DNAH6: variants seen among roughly 807,000 people sequenced by gnomAD.
DNAH6 encodes axonemal beta dynein heavy chain 6.
A neutral mutation model predicts 491.4 loss-of-function variants in DNAH6; 340 were observed. That is an observed-to-expected ratio of 0.69 (90% CI 0.63 to 0.76). DNAH6 has a LOEUF of 0.76. Ranked by LOEUF, DNAH6 falls within the 30% of genes least tolerant of loss-of-function variation. DNAH6 has a pLI of 0.00. For synonymous variants in DNAH6, 1,603 were observed against 1,686.1 expected (o/e 0.95, Z 1.21); for missense variants, 4,443 against 4,972.2 (o/e 0.89, Z 3.20).
At chr2:84,694,561 G>A (rs1433813644) in intron 46 of DNAH6, 81 bp downstream of exon 46, 3 of 1,027,384 alleles carry the variant, frequency 2.9e-6, no homozygotes, top group Admixed American at 2.1e-5. Flanking sequence ...ACAGTTTGTA[G>A]GATGAAGTTC....
the DNAH6 span, among the ~76,000 whole-genome samples, chr2:84,505,504 G>A: frequency 6.6e-6 from 1 of 152,004 alleles, no homozygotes; most frequent in Non-Finnish European, 1.5e-5. Flanking sequence ...CCCTTCATCA[G>A]GTTGAAGACG....
At chr2:84,790,987 C>G (rs1043611579) in intron 68 of DNAH6, among the ~76,000 whole-genome samples, 1 of 151,936 alleles carries the variant, frequency 6.6e-6, no homozygotes, top group Non-Finnish European at 1.5e-5. Context: ...GTCAGGAGTT[C>G]GAGACCAGCC....
chr2:84,460,200 T>C, the DNAH6 span, among the ~76,000 whole-genome samples: 1 of 152,232 alleles, frequency 6.6e-6, no homozygotes, highest in Admixed American at 6.5e-5. Flanking sequence ...GTCATTATAA[T>C]TGGCACTGAG....
intron 4 of DNAH6, among the ~76,000 whole-genome samples, chr2:84,538,509 T>C (rs1191519013): frequency 6.6e-6 from 1 of 152,164 alleles, no homozygotes; most frequent in East Asian, 1.9e-4. Context: ...GAGCATCTTT[T>C]GGGTCCACAG....
chr2:84,784,346 T>C (rs1380775644), intron 65 of DNAH6, among the ~76,000 whole-genome samples: 1 of 152,190 alleles, frequency 6.6e-6, no homozygotes, highest in Non-Finnish European at 1.5e-5. Context: ...TTGTGTTAAA[T>C]TGAAGGGTCA....
intron 16 of DNAH6, among the ~76,000 whole-genome samples, chr2:84,590,211 C>T (rs1015746718): frequency 1.3e-5 from 2 of 151,930 alleles, no homozygotes; most frequent in Non-Finnish European, 2.9e-5. Flanking sequence ...AAAGCTACAA[C>T]TTGGCTGGGC....
chr2:84,479,481 A>G, the DNAH6 span, among the ~76,000 whole-genome samples: 1 of 152,224 alleles, frequency 6.6e-6, no homozygotes, highest in African/African-American at 2.4e-5. Flanking sequence ...TACCTAGTTT[A>G]ATAGATAGCC....
intron 10 of DNAH6, among the ~76,000 whole-genome samples, chr2:84,555,393 T>G (rs1679916805): frequency 6.6e-6 from 1 of 152,182 alleles, no homozygotes; most frequent in Admixed American, 6.5e-5. Context: ...CTCCTCTGGT[T>G]TCTATTTCTG....
intron 11 of DNAH6, among the ~76,000 whole-genome samples, chr2:84,569,238 A>C (rs537030178): frequency 6.6e-6 from 1 of 152,238 alleles, no homozygotes; most frequent in Non-Finnish European, 1.5e-5. Context: ...ATATAGAGTG[A>C]TTTCCAGGAT....
chr2:84,617,501 A>AT (rs1686984753), intron 23 of DNAH6, among the ~76,000 whole-genome samples: 1 of 151,842 alleles, frequency 6.6e-6, no homozygotes, highest in African/African-American at 2.4e-5. Context: ...CATTCTTCCT[A>AT]TTTTTTGTAC....
At chr2:84,604,993 A>C (rs981913254) in intron 19 of DNAH6, among the ~76,000 whole-genome samples, 2 of 152,204 alleles carry the variant, frequency 1.3e-5, no homozygotes, top group Admixed American at 1.3e-4. Context: ...ATATGTGTTA[A>C]TGTCAATCAA....
At chr2:84,552,637 A>G (rs770630310) in intron 9 of DNAH6, among the ~76,000 whole-genome samples, 1 of 152,100 alleles carries the variant, frequency 6.6e-6, no homozygotes, top group Non-Finnish European at 1.5e-5. Context: ...TCAACTTTCT[A>G]TCTTCTATAT....
intron 62 of DNAH6, among the ~76,000 whole-genome samples, chr2:84,735,434 G>A (rs756693156): frequency 2.1e-4 from 32 of 152,138 alleles, no homozygotes; most frequent in African/African-American, 4.3e-4. Flanking sequence ...TGGGTCAAAC[G>A]TTAATTCTAT....
Position 84,706,205 on chromosome 2 carries a change from T to C in DNAH6, c.8727+458T>C, listed in dbSNP as rs898457948. Among the ~76,000 whole-genome samples, 152 of 152,340 alleles carry C rather than the reference T, an allele frequency of 1.0e-3. 1 individual carries two copies. Among genetic ancestry groups the C allele is most frequent in the African/African-American group, 3.5e-3 (147 of 41,578 alleles). The stretch of plus-strand genomic sequence containing the variant: ...AGAACTGTGGCTATAGAGCAGGGGT[T>C]GGCAAACTTTTTCCATGAAGACCCA... On this transcript the variant is annotated intron_variant, in intron 52 of 76. Coordinates refer to ENST00000389394, the MANE Select transcript of DNAH6 (RefSeq NM_001370.2).
At chr2:84,480,080 C>G in the DNAH6 span, among the ~76,000 whole-genome samples, 1 of 152,186 alleles carries the variant, frequency 6.6e-6, no homozygotes, top group Admixed American at 6.5e-5. Flanking sequence ...CTAACAAGCC[C>G]ACCAAAGAGT....
Position 84,815,897 on chromosome 2 carries a change from A to G in DNAH6, c.12187A>G (p.Met4063Val). 1 of 1,551,476 alleles carries G rather than the reference A, an allele frequency of 6.4e-7. No individual in the cohort carries two copies. Residue 4063 changes from methionine (M) to valine (V), a missense_variant, in exon 76 of 77, where the codon ATG (methionine) becomes GTG (valine). Transcript: ENST00000389394. The stretch of plus-strand genomic sequence containing the variant: ...TGAGGATGGTGTTCTTGTTCATGGG[A>G]TGTTCATGGATGCTTCTCGATGGGA... ...SPEDGVLVHG[M>V]FMDASRWDDK...
At position 84,640,593 on chromosome 2, in the gene DNAH6, T is replaced by C; in HGVS notation, c.4970+15T>C. The C allele has an allele frequency of 1.3e-6, 2 of 1,538,386 alleles. No homozygotes were observed. ...GTCATGGCTGGGTAAGAAACCAAAGTAGTCAAGAGTGAAATCCCAAACCAT... is the reference window on the plus strand; with the variant it reads ...GTCATGGCTGGGTAAGAAACCAAAGCAGTCAAGAGTGAAATCCCAAACCAT... On this transcript the variant is annotated intron_variant, in intron 32 of 76. Transcript: ENST00000389394.
At chr2:84,466,370 T>C in the DNAH6 span, among the ~76,000 whole-genome samples, 1 of 152,258 alleles carries the variant, frequency 6.6e-6, no homozygotes, top group African/African-American at 2.4e-5. Flanking sequence ...ATTGCACTTA[T>C]GCAAATAACT....
intron 19 of DNAH6, 65 bp from the exon 20 acceptor site, chr2:84,605,435 C>G: frequency 3.9e-6 from 4 of 1,037,382 alleles, no homozygotes; most frequent in Non-Finnish European, 4.3e-6. Context: ...TTTCATTTCA[C>G]GTGCATTTAT....
Sources: gnomAD v4.1 joint callset for allele counts (sites outside exome capture counted in the v4.1 genomes callset) on GRCh38, gnomAD v4.1.1 for gene constraint, MANE v1.5 for transcripts, NCBI Gene and HGNC (gene_info 2026-07-23, HGNC 2026-07-21) for gene names.